CCDC178: variants seen among roughly 807,000 people sequenced by gnomAD.
CCDC178 encodes the protein coiled-coil domain-containing protein 178.
CCDC178 carries 126 observed loss-of-function variants against 117.4 expected under a neutral mutation model. The observed-to-expected ratio is 1.07, with a 90% CI of 0.93 to 1.24. The LOEUF is 1.24. Among genes scored for constraint, CCDC178 ranks in the 50% most tolerant of loss-of-function variants. CCDC178 has a pLI of 0.00. For missense variants in CCDC178, 1,030 were observed against 986.9 expected (o/e 1.04, Z -0.59); for synonymous variants, 283 against 313.4 (o/e 0.90, Z 1.02).
chr18:33,129,348 T>C, intron 20 of CCDC178, among the ~76,000 whole-genome samples: 1 of 152,016 alleles, frequency 6.6e-6, no homozygotes, highest in East Asian at 1.9e-4. Context: ...AATAAAACAT[T>C]AACTCCCTAT....
chr18:33,169,378 G>A (rs2144416080), intron 20 of CCDC178, among the ~76,000 whole-genome samples: 1 of 152,222 alleles, frequency 6.6e-6, no homozygotes, highest in Non-Finnish European at 1.5e-5. Flanking sequence ...TGGCTGGTTG[G>A]AAATGCTTAA....
chr18:33,286,067 G>T (rs575824085), intron 12 of CCDC178, among the ~76,000 whole-genome samples: 1 of 147,560 alleles, frequency 6.8e-6, no homozygotes, highest in African/African-American at 2.5e-5. Context: ...TCTGCCTCCC[G>T]GTTTCAAGCA....
intron 20 of CCDC178, among the ~76,000 whole-genome samples, chr18:33,145,091 T>C (rs888312537): frequency 6.6e-6 from 1 of 152,206 alleles, no homozygotes; most frequent in Admixed American, 6.5e-5. Flanking sequence ...TTATATCTGA[T>C]AATTATGAGC....
intron 20 of CCDC178, among the ~76,000 whole-genome samples, chr18:33,101,686 T>C (rs1273268709): frequency 1.3e-5 from 2 of 151,868 alleles, no homozygotes; most frequent in Non-Finnish European, 2.9e-5. Flanking sequence ...TGAACTAACT[T>C]TATCATAAAG....
chr18:33,320,290 A>G (rs576082830), intron 11 of CCDC178, among the ~76,000 whole-genome samples: 2 of 152,338 alleles, frequency 1.3e-5, no homozygotes, highest in African/African-American at 4.8e-5. Context: ...TTAGGAAAAG[A>G]GGAAGTCAAA....
rs538704658 is a variant in CCDC178 at position 32,951,590 on chromosome 18, A to G, written c.2524-13499T>C. Reference sequence around the variant, plus strand: ...TCTCACAACACATGAAGACTATAGGACTATAAATTGAGATTTGGGTGGGGC... The same window carrying G: ...TCTCACAACACATGAAGACTATAGGGCTATAAATTGAGATTTGGGTGGGGC... On this transcript the variant is annotated intron_variant, in intron 22 of 22. Transcript: ENST00000383096. Among the ~76,000 whole-genome samples, 97 of 152,300 alleles carry G rather than the reference A, an allele frequency of 6.4e-4. 1 individual carries two copies. The highest frequency in any genetic ancestry group is 2.2e-3 in the African/African-American group (91 of 41,568).
chr18:33,296,940 C>T (rs1436012086), intron 11 of CCDC178, among the ~76,000 whole-genome samples: 5 of 152,092 alleles, frequency 3.3e-5, no homozygotes, highest in Non-Finnish European at 7.4e-5. Flanking sequence ...CAGAGAATTG[C>T]TTGAACCCAG....
At chr18:32,980,508 T>C (rs2055130053) in intron 21 of CCDC178, among the ~76,000 whole-genome samples, 1 of 139,940 alleles carries the variant, frequency 7.1e-6, no homozygotes, top group Admixed American at 7.9e-5. Flanking sequence ...AAGGCGGAGC[T>C]TGCAGTGAGC....
chr18:33,367,611 A>T lies in CCDC178; in HGVS notation c.348+2439T>A, dbSNP rs567807488. On this transcript the variant is annotated intron_variant, in intron 6 of 22. Coordinates refer to ENST00000383096, the MANE Select transcript of CCDC178 (RefSeq NM_001105528.4). ...TATTGTGATAGGTTAGTCAGAAAAA[A>T]TTTTTTCATCTTTCAAAAGGATAGC... 2.7e-3 allele frequency among the ~76,000 whole-genome samples: 407 copies of T among 151,822 alleles called. 3 individuals are homozygous for T. The highest frequency in any genetic ancestry group is 9.2e-3 in the African/African-American group (381 of 41,424).
intron 20 of CCDC178, among the ~76,000 whole-genome samples, chr18:33,209,471 C>T (rs1200319370): frequency 6.6e-6 from 1 of 152,020 alleles, no homozygotes. Context: ...CCAAAAGGAA[C>T]ACCTCAGATT....
intron 12 of CCDC178, among the ~76,000 whole-genome samples, chr18:33,280,177 G>A (rs1386349567): frequency 6.6e-6 from 1 of 151,938 alleles, no homozygotes; most frequent in Non-Finnish European, 1.5e-5. Context: ...CCTACAAAAT[G>A]GGAGAAAATT....
chr18:33,116,375 A>T (rs2057855766), intron 20 of CCDC178, among the ~76,000 whole-genome samples: 1 of 152,190 alleles, frequency 6.6e-6, no homozygotes, highest in Non-Finnish European at 1.5e-5. Context: ...GTGGATAGAC[A>T]AGGGAGTGGC....
intron 2 of CCDC178, among the ~76,000 whole-genome samples, chr18:33,428,953 TAGG>T (rs1254641279): frequency 1.3e-5 from 2 of 150,904 alleles, no homozygotes; most frequent in Admixed American, 1.3e-4. Context: ...TGAATGGAAT[TAGG>T]AGAATTACAA....
chr18:33,412,866 C>G lies in CCDC178; in HGVS notation c.-22-756G>C, dbSNP rs1346795180. On this transcript the variant is annotated intron_variant, in intron 2 of 22. Coordinates refer to ENST00000383096, the MANE Select transcript of CCDC178 (RefSeq NM_001105528.4). ...CGTACATAGCATTTAAGTGAAATGT[C>G]TCTTAATTATCTTTTAGTCTATGCG... 2.0e-5 allele frequency among the ~76,000 whole-genome samples: 3 copies of G among 152,080 alleles called. No individual in the cohort carries two copies. The East Asian group carries it at 5.8e-4, about 29-fold the overall frequency.
At chr18:33,055,184 A>T (rs1264480440) in intron 21 of CCDC178, among the ~76,000 whole-genome samples, 1 of 151,996 alleles carries the variant, frequency 6.6e-6, no homozygotes, top group Admixed American at 6.6e-5. Context: ...TTGTCAGATG[A>T]ACACACTGAA....
At chr18:33,186,163 A>G (rs1388130815) in intron 20 of CCDC178, among the ~76,000 whole-genome samples, 2 of 152,114 alleles carry the variant, frequency 1.3e-5, no homozygotes, top group African/African-American at 2.4e-5. Context: ...ATAAATATGT[A>G]CAGTACATGA....
intron 15 of CCDC178, among the ~76,000 whole-genome samples, chr18:33,239,853 A>C (rs1347465778): frequency 6.6e-6 from 1 of 151,836 alleles, no homozygotes; most frequent in East Asian, 1.9e-4. Flanking sequence ...CCATTGACCA[A>C]ATGGACCTAA....
intron 21 of CCDC178, among the ~76,000 whole-genome samples, chr18:33,066,839 A>C (rs1361213924): frequency 6.6e-6 from 1 of 152,218 alleles, no homozygotes; most frequent in Non-Finnish European, 1.5e-5. Flanking sequence ...ACACTGGAGC[A>C]CTCAGATATA....
intron 22 of CCDC178, among the ~76,000 whole-genome samples, chr18:32,947,818 A>G (rs1448005294): frequency 6.6e-6 from 1 of 152,152 alleles, no homozygotes; most frequent in Admixed American, 6.5e-5. Context: ...CCTAAAATCT[A>G]GAAGTTTTAT....
Sources: allele counts gnomAD v4.1 joint callset (sites outside exome capture counted in the v4.1 genomes callset), GRCh38; gene constraint gnomAD v4.1.1; transcripts MANE v1.5; gene names NCBI Gene and HGNC (gene_info 2026-07-23, HGNC 2026-07-21).